The following SH3D19 variants were observed in gnomAD, a reference collection of about 807,000 sequenced individuals.
The protein encoded by SH3D19 is SH3 domain-containing protein 19.
In SH3D19, 58 loss-of-function variants were observed where a neutral mutation model predicts 112.1. The ratio of observed to expected loss-of-function variants is 0.52; its 90% confidence interval spans 0.42 to 0.64. The LOEUF (loss-of-function observed/expected upper bound fraction) is 0.64. SH3D19 is among the 30% of genes least tolerant of loss of function. SH3D19 has a pLI of 0.00. For missense variants in SH3D19, 1,090 were observed against 1,263.4 expected, an observed-to-expected ratio of 0.86 and a Z score of 2.08; for synonymous variants, 391 against 448.5, an observed-to-expected ratio of 0.87 and a Z score of 1.62.
intron 1 of SH3D19, among the ~76,000 whole-genome samples, chr4:151,234,878 G>A (rs1421534707): frequency 6.6e-6 from 1 of 150,382 alleles, no homozygotes; most frequent in Non-Finnish European, 1.5e-5. Flanking sequence ...CCAGTAGCTG[G>A]GACTACAGGT....
intron 1 of SH3D19, among the ~76,000 whole-genome samples, chr4:151,246,078 C>T (rs1344150531): frequency 1.3e-5 from 2 of 150,794 alleles, no homozygotes; most frequent in Non-Finnish European, 2.9e-5. Flanking sequence ...AAAGTATTTC[C>T]CTGGTGGCAT....
At chr4:151,237,653 A>G (rs1176970800) in intron 1 of SH3D19, among the ~76,000 whole-genome samples, 1 of 152,234 alleles carries the variant, frequency 6.6e-6, no homozygotes, top group Non-Finnish European at 1.5e-5. Flanking sequence ...AAACAGAATG[A>G]GGATTAAATG....
chr4:151,127,773 T>A, intron 18 of SH3D19, 58 bp from the exon 19 acceptor site: 1 of 1,009,048 alleles, frequency 9.9e-7, no homozygotes, highest in South Asian at 2.0e-5. Flanking sequence ...AACACAAATC[T>A]AACATTTTTT....
At chr4:151,279,822 C>A (rs776335390) in intron 1 of SH3D19, 1 of 1,613,820 alleles carries the variant, frequency 6.2e-7, no homozygotes, top group Non-Finnish European at 8.5e-7. Flanking sequence ...ATACTCCAGC[C>A]GCGTTGTAGG....
In SH3D19 at chr4:151,268,379, G is replaced by C. The variant is rs149739630; in HGVS notation, c.113-42293C>G. Reference sequence around the variant, plus strand: ...GCAGTGAGTGAATGTGAACGCCTAGGACATGATAGTACACTACTGTAGACT... The same window carrying C: ...GCAGTGAGTGAATGTGAACGCCTAGCACATGATAGTACACTACTGTAGACT... On this transcript the variant is annotated intron_variant, in intron 1 of 19. Coordinates refer to ENST00000604030, the MANE Select transcript of SH3D19 (RefSeq NM_001378122.1). 2.7e-3 allele frequency among the ~76,000 whole-genome samples: 418 copies of C among 152,240 alleles called. 2 individuals carry two copies. The highest frequency in any genetic ancestry group is 0.01 in the Middle Eastern group (3 of 294).
At chr4:151,231,107 G>T (rs1014258540) in intron 1 of SH3D19, among the ~76,000 whole-genome samples, 3 of 152,112 alleles carry the variant, frequency 2.0e-5, no homozygotes, top group Admixed American at 1.3e-4. Context: ...ATTTGCAGCA[G>T]CAATGTCATT....
chr4:151,166,988 A>G (rs1273045378), intron 7 of SH3D19, among the ~76,000 whole-genome samples: 1 of 152,086 alleles, frequency 6.6e-6, no homozygotes, highest in Non-Finnish European at 1.5e-5. Context: ...GTACAATCCT[A>G]TTTTAAGTTT....
At chr4:151,199,479 T>C (rs1372553780) in intron 2 of SH3D19, among the ~76,000 whole-genome samples, 1 of 152,130 alleles carries the variant, frequency 6.6e-6, no homozygotes, top group Non-Finnish European at 1.5e-5. Flanking sequence ...ATATTGTGGG[T>C]GGACAGAGCA....
intron 1 of SH3D19, among the ~76,000 whole-genome samples, chr4:151,265,623 C>G (rs1173689145): frequency 7.3e-6 from 1 of 136,480 alleles, no homozygotes; most frequent in African/African-American, 2.9e-5. Flanking sequence ...GTCACCCAGG[C>G]TGGAGTATAG....
intron 9 of SH3D19, among the ~76,000 whole-genome samples, chr4:151,154,128 A>ATT (rs547926242): frequency 2.6e-4 from 28 of 108,732 alleles, no homozygotes; most frequent in Non-Finnish European, 3.2e-4. Flanking sequence ...CACCCGGCTG[A>ATT]TTTTTTTTTT....
At chr4:151,277,051 G>C (rs1398900977) in intron 1 of SH3D19, 2 of 640,234 alleles carry the variant, frequency 3.1e-6, no homozygotes. Context: ...CCAAAGGAGA[G>C]GAGGGGGTGA....
At chr4:151,201,751 C>T (rs546105108) in intron 2 of SH3D19, among the ~76,000 whole-genome samples, 110 of 152,290 alleles carry the variant, frequency 7.2e-4, no homozygotes, top group Middle Eastern at 3.4e-3. Context: ...TGGCTCATGC[C>T]TATAATCTCA....
intron 4 of SH3D19, among the ~76,000 whole-genome samples, chr4:151,177,272 T>A (rs1266383208): frequency 2.0e-5 from 3 of 152,232 alleles, no homozygotes; most frequent in Non-Finnish European, 4.4e-5. Flanking sequence ...TCCAGGGCTA[T>A]CTAGCCTTAG....
At chr4:151,125,222 C>G (rs1271248772) in intron 19 of SH3D19, among the ~76,000 whole-genome samples, 1 of 152,182 alleles carries the variant, frequency 6.6e-6, no homozygotes, top group African/African-American at 2.4e-5. Flanking sequence ...TAACCCAGCT[C>G]TTTGGGAGGT....
chr4:151,233,970 T>G (rs540475011), intron 1 of SH3D19, among the ~76,000 whole-genome samples: 1 of 152,372 alleles, frequency 6.6e-6, no homozygotes, highest in South Asian at 2.1e-4. Flanking sequence ...TTTTCTTTTC[T>G]GCCCTGCATC....
intron 1 of SH3D19, among the ~76,000 whole-genome samples, chr4:151,294,570 A>G (rs1775571665): frequency 6.6e-6 from 1 of 152,352 alleles, no homozygotes; most frequent in Non-Finnish European, 1.5e-5. Context: ...TACCCAACAG[A>G]TGCACTCAGT....
rs10030461 is a variant in SH3D19, at chr4:151,169,919, G to A, written c.1535-4223C>T. ...ATAAAACAAACAAAACAACCTGAATGTCCATCAACAGGGGAAATACTGAAC... is the reference window on the plus strand; with the variant it reads ...ATAAAACAAACAAAACAACCTGAATATCCATCAACAGGGGAAATACTGAAC... On this transcript the variant is annotated intron_variant, in intron 7 of 19. Coordinates refer to ENST00000604030, the MANE Select transcript of SH3D19 (RefSeq NM_001378122.1). Among the ~76,000 whole-genome samples the A allele has an allele frequency of 5.9e-3, 894 of 152,242 alleles. 7 individuals carry two copies. Among genetic ancestry groups the A allele is most frequent in the African/African-American group, 0.021 (852 of 41,540 alleles).
intron 1 of SH3D19, among the ~76,000 whole-genome samples, chr4:151,313,978 C>A (rs1305667724): frequency 3.9e-5 from 6 of 152,196 alleles, no homozygotes; most frequent in African/African-American, 1.4e-4. Flanking sequence ...ACATCTTGTA[C>A]AAACATTTTC....
At chr4:151,287,878 CTCTT>C (rs1561433935) in intron 1 of SH3D19, among the ~76,000 whole-genome samples, 1 of 152,100 alleles carries the variant, frequency 6.6e-6, no homozygotes, top group Non-Finnish European at 1.5e-5. Context: ...AGACCCCTCT[CTCTT>C]TTTTTATTTT....
Sources: gnomAD v4.1 joint callset for allele counts (sites outside exome capture counted in the v4.1 genomes callset) on GRCh38, gnomAD v4.1.1 for gene constraint, MANE v1.5 for transcripts, NCBI Gene and HGNC (gene_info 2026-07-23, HGNC 2026-07-21) for gene names.